Variants in RAB11FIP1 observed in about 807,000 individuals in gnomAD.
RAB11FIP1 encodes RAB11 family interacting protein 1.
A neutral mutation model predicts 83.1 loss-of-function variants in RAB11FIP1; 49 were observed. That is an observed-to-expected ratio of 0.59 (90% CI 0.47 to 0.75). RAB11FIP1 has a LOEUF of 0.75. Ranked by LOEUF, RAB11FIP1 falls within the 30% of genes least tolerant of loss-of-function variation. RAB11FIP1 has a pLI of 0.00. For synonymous variants in RAB11FIP1, 670 were observed against 656.0 expected (o/e 1.02, Z -0.33); for missense variants, 1,536 against 1,598.7 (o/e 0.96, Z 0.67).
chr8:37,882,224 T>C (rs1047260074), intron 1 of RAB11FIP1, among the ~76,000 whole-genome samples: 1 of 152,126 alleles, frequency 6.6e-6, no homozygotes, highest in Admixed American at 6.5e-5. Context: ...TTCAAACCAG[T>C]GCAACTCCAT....
intron 5 of RAB11FIP1, among the ~76,000 whole-genome samples, chr8:37,869,083 C>G (rs1806397054): frequency 1.3e-5 from 2 of 151,776 alleles, no homozygotes; most frequent in African/African-American, 2.4e-5. Flanking sequence ...CATAAATTAG[C>G]TGGGCATGGT....
Position 37,875,290 on chromosome 8 carries a change from G to A in RAB11FIP1, c.847C>T (p.Leu283Phe). ...AAGTTGACCTGGTTCAGTTGCTTAA[G>A]ATCCGTACTCGCTGTTCTCTTGTGA... is the stretch of plus-strand genomic sequence containing the variant. ...MSHKRTASTD[L>F]KQLNQVNFTL... Residue 283 changes from leucine to phenylalanine, a missense_variant, in exon 3 of 6, where the codon CTT becomes TTT. Leu to Phe is a conservative substitution (Grantham distance 22, BLOSUM62 0). Coordinates refer to ENST00000330843, the MANE Select transcript of RAB11FIP1 (RefSeq NM_001002814.3). The A allele has an allele frequency of 6.2e-7, 1 of 1,613,484 alleles. No individual in the cohort carries two copies. Among genetic ancestry groups the A allele is most frequent in the Non-Finnish European group, 8.5e-7 (1 of 1,179,704 alleles).
intron 5 of RAB11FIP1, among the ~76,000 whole-genome samples, chr8:37,867,336 A>C (rs551269264): frequency 2.0e-5 from 3 of 152,266 alleles, no homozygotes; most frequent in South Asian, 2.1e-4. Context: ...GAAATGTAGT[A>C]GGTACACAAT....
chr8:37,895,268 T>TC (rs1807060839), intron 1 of RAB11FIP1, among the ~76,000 whole-genome samples: 1 of 30,756 alleles, frequency 3.3e-5, no homozygotes, highest in African/African-American at 1.6e-4. Context: ...TATTTTTTTT[T>TC]TTTTTTTTTT....
intron 4 of RAB11FIP1, chr8:37,870,946 T>A (rs1422386149): frequency 3.2e-6 from 1 of 310,032 alleles, no homozygotes; most frequent in Non-Finnish European, 5.9e-6. Flanking sequence ...AAGAAGTTTT[T>A]GACACTGCTA....
intron 1 of RAB11FIP1, among the ~76,000 whole-genome samples, chr8:37,885,094 A>C (rs1806805386): frequency 6.6e-6 from 1 of 151,184 alleles, no homozygotes; most frequent in Non-Finnish European, 1.5e-5. Flanking sequence ...TCCCAGATTC[A>C]AGCAATTCTC....
At position 37,871,224 on chromosome 8, in the gene RAB11FIP1, A is replaced by G. The variant is rs1585430365; in HGVS notation, c.3524+54T>C. Reference sequence around the variant, plus strand: ...GAAAGCCGTAACCTCTGCAGGTAGGAAGCAAAGGGGGACATTGCTCACATT... The same window carrying G: ...GAAAGCCGTAACCTCTGCAGGTAGGGAGCAAAGGGGGACATTGCTCACATT... On this transcript the variant is annotated intron_variant, in intron 4 of 5. Transcript: ENST00000330843. 1.2e-5 allele frequency: 18 copies of G among 1,537,718 alleles called. No individual in the cohort carries two copies. In the East Asian group the frequency reaches 4.1e-4, roughly 35 times the overall value.
intron 1 of RAB11FIP1, among the ~76,000 whole-genome samples, chr8:37,880,896 G>T (rs1033976873): frequency 2.6e-5 from 4 of 152,152 alleles, no homozygotes; most frequent in Non-Finnish European, 5.9e-5. Context: ...CTCACATTCT[G>T]AAGTTCTTTT....
intron 5 of RAB11FIP1, among the ~76,000 whole-genome samples, chr8:37,866,897 A>G (rs956001267): frequency 3.3e-5 from 5 of 152,210 alleles, no homozygotes; most frequent in Admixed American, 3.3e-4. Flanking sequence ...TTTACTAGGC[A>G]TGGTCCAGAA....
chr8:37,883,413 G>A (rs1053040362), intron 1 of RAB11FIP1, among the ~76,000 whole-genome samples: 3 of 152,068 alleles, frequency 2.0e-5, no homozygotes, highest in African/African-American at 4.8e-5. Context: ...CAGGTGATCC[G>A]CCTGCCTCAG....
At position 37,875,261 on chromosome 8, in the gene RAB11FIP1, G is replaced by C. The variant is rs759481017; in HGVS notation, c.876C>G (p.Thr292=). The C allele has an allele frequency of 6.2e-7, 1 of 1,613,944 alleles. No homozygotes were observed. The highest frequency in any genetic ancestry group is 8.5e-7 in the Non-Finnish European group (1 of 1,179,934). The change falls in exon 3 of 6, where the codon ACC becomes ACG. Residue 292 remains threonine, a synonymous_variant. Coordinates refer to ENST00000330843, the MANE Select transcript of RAB11FIP1 (RefSeq NM_001002814.3). The stretch of plus-strand genomic sequence containing the variant: ...AGGAAAGTCCTTCCTTCTTGGGAAG[G>C]GTAAAGTTGACCTGGTTCAGTTGCT... The part of the protein sequence containing the change: ...DLKQLNQVNF[T]LPKKEGLSFL...
At chr8:37,887,383 G>A (rs1047852969) in intron 1 of RAB11FIP1, among the ~76,000 whole-genome samples, 9 of 151,930 alleles carry the variant, frequency 5.9e-5, no homozygotes, top group Non-Finnish European at 1.0e-4. Flanking sequence ...ATACAAAAAT[G>A]AGCCGGGTGT....
chr8:37,867,984 A>C (rs1806375763), intron 5 of RAB11FIP1, among the ~76,000 whole-genome samples: 1 of 152,046 alleles, frequency 6.6e-6, no homozygotes, highest in Admixed American at 6.5e-5. Flanking sequence ...ATGGTGGCAC[A>C]TCTGTAGTCC....
intron 1 of RAB11FIP1, among the ~76,000 whole-genome samples, chr8:37,893,875 A>C (rs1342982601): frequency 6.6e-6 from 1 of 152,210 alleles, no homozygotes; most frequent in Non-Finnish European, 1.5e-5. Flanking sequence ...CTTACAAATG[A>C]AATCATAAAC....
chr8:37,888,085 A>C (rs1806868046), intron 1 of RAB11FIP1, among the ~76,000 whole-genome samples: 2 of 152,238 alleles, frequency 1.3e-5, no homozygotes, highest in African/African-American at 4.8e-5. Flanking sequence ...GGTTTGCATT[A>C]TATAATTTCC....
At chr8:37,868,727 GA>G (rs1428186798) in intron 5 of RAB11FIP1, among the ~76,000 whole-genome samples, 6 of 152,174 alleles carry the variant, frequency 3.9e-5, no homozygotes, top group Non-Finnish European at 4.4e-5. Context: ...GAACCAGAAA[GA>G]GCAGGATGAA....
intron 1 of RAB11FIP1, among the ~76,000 whole-genome samples, chr8:37,884,551 C>G (rs544109590): frequency 6.6e-6 from 1 of 151,730 alleles, no homozygotes; most frequent in South Asian, 2.1e-4. Flanking sequence ...CCACACCCAA[C>G]TAGTTGTTGT....
chr8:37,870,292 A>C (rs1806425838), intron 5 of RAB11FIP1, 128 bp downstream of exon 5: 1 of 528,282 alleles, frequency 1.9e-6, no homozygotes, highest in Non-Finnish European at 3.5e-6. Flanking sequence ...GTTTACTCAA[A>C]GACTCAAGAT....
At position 37,874,702 on chromosome 8, in the gene RAB11FIP1, G is replaced by A. The variant is rs1234152838; in HGVS notation, c.1435C>T (p.Pro479Ser). 1.2e-6 allele frequency: 2 copies of A among 1,614,028 alleles called. No individual in the cohort carries two copies. Among genetic ancestry groups the A allele is most frequent in the African/African-American group, 1.3e-5 (1 of 74,898 alleles). Residue 479 changes from proline to serine, a missense_variant, in exon 3 of 6, where the codon CCT becomes TCT. Pro to Ser is a moderately conservative substitution (Grantham distance 74). Coordinates refer to ENST00000330843, the MANE Select transcript of RAB11FIP1 (RefSeq NM_001002814.3). The stretch of plus-strand genomic sequence containing the variant: ...GATCTTCTCACAAGGTCTTCAGCAG[G>A]CCCCGATGCGTCCTCCCCCGGCTTA... The part of the protein sequence containing the change: ...GVKPGEDASG[P>S]AEDLVRRSEK...
Sources: allele counts gnomAD v4.1 joint callset (sites outside exome capture counted in the v4.1 genomes callset), GRCh38; gene constraint gnomAD v4.1.1; transcripts MANE v1.5; gene names NCBI Gene and HGNC (gene_info 2026-07-23, HGNC 2026-07-21).